Variants in ARHGAP6 observed in about 807,000 individuals in gnomAD.
ARHGAP6 encodes Rho GTPase activating protein 6.
ARHGAP6 carries 16 observed loss-of-function variants against 55.7 expected under a neutral mutation model. That is an observed-to-expected ratio of 0.29 (90% CI 0.19 to 0.44). The LOEUF is 0.44. Among genes scored for constraint, ARHGAP6 ranks in the 20% least tolerant of loss-of-function variants. ARHGAP6 has a pLI of 1.00. For synonymous variants in ARHGAP6, 382 were observed against 360.9 expected, an observed-to-expected ratio of 1.06 and a Z score of -0.66; for missense variants, 698 against 808.9, an observed-to-expected ratio of 0.86 and a Z score of 1.66.
rs12012469 is a variant in ARHGAP6 at position 11,381,962 on chromosome X, C to T, written c.589-127255G>A. ...GAGGCATTAGGAATAAGACAAGTAA[C>T]ATTAATGTTACATAAGACATAAATG... is the stretch of plus-strand genomic sequence containing the variant. On this transcript the variant is annotated intron_variant, in intron 1 of 12. Coordinates refer to ENST00000337414, the MANE Select transcript of ARHGAP6 (RefSeq NM_013427.3). Among the ~76,000 whole-genome samples, 10 of 111,827 alleles carry T rather than the reference C, an allele frequency of 8.9e-5. No individual in the cohort carries two copies. The South Asian group carries it at 3.7e-3, about 41-fold the overall frequency.
intron 1 of ARHGAP6, among the ~76,000 whole-genome samples, chrX:11,567,566 A>AAAATATATATATATATATATAT (rs1440758737): frequency 3.6e-5 from 3 of 84,411 alleles, no homozygotes; most frequent in Admixed American, 1.2e-4. Context: ...AAAAAAAAAA[A>AAAATATATATATATATATATAT]ATATATATAT....
chrX:11,433,599 C>T (rs1453371777), intron 1 of ARHGAP6, among the ~76,000 whole-genome samples: 1 of 112,475 alleles, frequency 8.9e-6, no homozygotes, highest in Non-Finnish European at 1.9e-5. Flanking sequence ...CTATTGCCTT[C>T]ATTCCTCTGA....
intron 9 of ARHGAP6, among the ~76,000 whole-genome samples, chrX:11,159,423 G>A (rs139575336): frequency 5.3e-4 from 59 of 111,011 alleles, no homozygotes; most frequent in African/African-American, 1.9e-3. Flanking sequence ...GTGAGGTGAT[G>A]AGAAATATTT....
At chrX:11,595,837 G>A (rs746435894) in intron 1 of ARHGAP6, among the ~76,000 whole-genome samples, 34 of 112,184 alleles carry the variant, frequency 3.0e-4, no homozygotes, top group Non-Finnish European at 4.9e-4. Flanking sequence ...ATCATCGCTG[G>A]TCATTAGAGA....
chrX:11,357,312 C>A (rs1327903814), intron 1 of ARHGAP6, among the ~76,000 whole-genome samples: 1 of 111,984 alleles, frequency 8.9e-6, no homozygotes, highest in East Asian at 2.8e-4. Flanking sequence ...ATACACAAAG[C>A]ATAATTCTTT....
intron 1 of ARHGAP6, among the ~76,000 whole-genome samples, chrX:11,612,570 A>G (rs2052115394): frequency 8.9e-6 from 1 of 112,236 alleles, no homozygotes; most frequent in Non-Finnish European, 1.9e-5. Context: ...ACAGTTGTCC[A>G]TCTGTGAACC....
chrX:11,429,673 A>C (rs2049922994), intron 1 of ARHGAP6, among the ~76,000 whole-genome samples: 1 of 111,892 alleles, frequency 8.9e-6, no homozygotes, highest in Non-Finnish European at 1.9e-5. Context: ...GCTTTGTAGG[A>C]GAAATGAGCA....
At chrX:11,320,050 G>C (rs1009763529) in intron 1 of ARHGAP6, among the ~76,000 whole-genome samples, 1 of 112,106 alleles carries the variant, frequency 8.9e-6, no homozygotes, top group Non-Finnish European at 1.9e-5. Flanking sequence ...ATCACTTCAA[G>C]TAAATTTTGA....
intron 2 of ARHGAP6, among the ~76,000 whole-genome samples, chrX:11,249,567 TGA>T (rs1248435565): frequency 9.0e-6 from 1 of 111,504 alleles, no homozygotes; most frequent in African/African-American, 3.3e-5. Context: ...CATGCCACTC[TGA>T]GAGAAAAAAA....
At chrX:11,367,528 C>A (rs948278062) in intron 1 of ARHGAP6, among the ~76,000 whole-genome samples, 9 of 112,118 alleles carry the variant, frequency 8.0e-5, no homozygotes, top group Non-Finnish European at 1.5e-4. Context: ...TGACCCAGTA[C>A]TTTCATGTGG....
intron 1 of ARHGAP6, among the ~76,000 whole-genome samples, chrX:11,552,243 AATGGTTATCAAAAAT>A (rs1457731543): frequency 6.4e-5 from 7 of 109,999 alleles, no homozygotes; most frequent in African/African-American, 2.3e-4. Context: ...CACCTGTTAG[AATGGTTATCAAAAAT>A]ATGAAACATA....
chrX:11,315,494 C>T lies in ARHGAP6; in HGVS notation c.589-60787G>A, dbSNP rs184500271. Among the ~76,000 whole-genome samples, 23 of 111,613 alleles carry T rather than the reference C, an allele frequency of 2.1e-4. No individual in the cohort carries two copies. In the East Asian group the frequency reaches 5.3e-3, roughly 26 times the overall value. ...CATGGACTGGTACTGGTCTGCGGCC[C>T]GGGGGTCGGGAACCCCTGTTTTAGA... On this transcript the variant is annotated intron_variant, in intron 1 of 12. Transcript: ENST00000337414.
chrX:11,441,609 C>G (rs767302079), intron 1 of ARHGAP6, among the ~76,000 whole-genome samples: 2 of 111,736 alleles, frequency 1.8e-5, no homozygotes, highest in Non-Finnish European at 3.8e-5. Flanking sequence ...AGTTATTTCC[C>G]TAAGGAGCCC....
chrX:11,660,219 G>A (rs1569076040), intron 1 of ARHGAP6, among the ~76,000 whole-genome samples: 1 of 111,417 alleles, frequency 9.0e-6, no homozygotes, highest in Non-Finnish European at 1.9e-5. Flanking sequence ...TCCTTGGAGA[G>A]TAATGTGCTT....
At chrX:11,337,454 A>G (rs1301234824) in intron 1 of ARHGAP6, among the ~76,000 whole-genome samples, 3 of 111,888 alleles carry the variant, frequency 2.7e-5, no homozygotes, top group Non-Finnish European at 5.6e-5. Context: ...TTCTCCACTG[A>G]TGATATGTGT....
At chrX:11,460,266 G>A (rs1418305598) in intron 1 of ARHGAP6, among the ~76,000 whole-genome samples, 1 of 111,631 alleles carries the variant, frequency 9.0e-6, no homozygotes, top group African/African-American at 3.3e-5. Context: ...GGGACTCTAG[G>A]AGCACAGTGC....
At chrX:11,406,328 T>C in intron 1 of ARHGAP6, among the ~76,000 whole-genome samples, 1 of 111,687 alleles carries the variant, frequency 9.0e-6, no homozygotes. Context: ...AAGAAGACTA[T>C]ACTGAGCCTC....
In ARHGAP6 at chrX:11,650,995, T is replaced by C. The variant is rs185696946; in HGVS notation, c.588+13246A>G. On this transcript the variant is annotated intron_variant, in intron 1 of 12. Transcript: ENST00000337414. ...GATTCAACACACCTCCTTGAGGACT[T>C]GCTGAAATATCTAGAGTAACACTCT... Among the ~76,000 whole-genome samples the C allele has an allele frequency of 1.9e-3, 214 of 112,410 alleles. 2 individuals carry two copies. The highest frequency in any genetic ancestry group is 0.016 in the Admixed American group (175 of 10,636).
chrX:11,654,056 C>T (rs554270494), intron 1 of ARHGAP6, among the ~76,000 whole-genome samples: 3 of 112,077 alleles, frequency 2.7e-5, no homozygotes, highest in African/African-American at 9.7e-5. Flanking sequence ...AGCAGAATTA[C>T]ACTTTGCTCA....
Sources: gnomAD v4.1 joint callset for allele counts (sites outside exome capture counted in the v4.1 genomes callset) on GRCh38, gnomAD v4.1.1 for gene constraint, MANE v1.5 for transcripts, NCBI Gene and HGNC (gene_info 2026-07-23, HGNC 2026-07-21) for gene names.